The following GRIK3 variants were observed in gnomAD, a reference collection of about 807,000 sequenced individuals.
GRIK3 encodes glutamate ionotropic receptor kainate type subunit 3, also known as glutamate receptor ionotropic, kainate 3.
GRIK3 carries 29 observed loss-of-function variants against 102.5 expected under a neutral mutation model. The observed-to-expected ratio is 0.28, with a 90% CI of 0.21 to 0.39. The LOEUF (loss-of-function observed/expected upper bound fraction) is 0.39, where lower values mean the gene tolerates loss of function less well. Ranked by LOEUF, GRIK3 falls within the 10% of genes least tolerant of loss-of-function variation. The pLI is 1.00. For missense variants in GRIK3, 908 were observed against 1,252.4 expected, an observed-to-expected ratio of 0.73 and a Z score of 4.15; for synonymous variants, 511 against 504.9, an observed-to-expected ratio of 1.01 and a Z score of -0.16.
intron 1 of GRIK3, among the ~76,000 whole-genome samples, chr1:36,911,948 C>G (rs1570794716): frequency 6.6e-6 from 1 of 152,256 alleles, no homozygotes; most frequent in East Asian, 1.9e-4. Context: ...TCCACAGCCC[C>G]CTCTTCACGC....
intron 7 of GRIK3, among the ~76,000 whole-genome samples, chr1:36,857,671 C>CT (rs1257330260): frequency 1.2e-4 from 18 of 152,344 alleles, no homozygotes; most frequent in Admixed American, 5.2e-4. Flanking sequence ...AAGCCTGTAT[C>CT]TTATCCACAT....
intron 1 of GRIK3, among the ~76,000 whole-genome samples, chr1:36,930,999 A>G (rs973481962): frequency 2.0e-5 from 3 of 152,224 alleles, no homozygotes; most frequent in Admixed American, 2.0e-4. Context: ...GGTGCACAGC[A>G]TAGTCTCAGG....
At chr1:36,864,684 G>T (rs976932119) in intron 5 of GRIK3, among the ~76,000 whole-genome samples, 4 of 152,190 alleles carry the variant, frequency 2.6e-5, no homozygotes, top group African/African-American at 9.7e-5. Flanking sequence ...GGGCAGGTTG[G>T]GGTGGTAGTG....
chr1:36,865,566 G>A (rs780153248), intron 5 of GRIK3, among the ~76,000 whole-genome samples: 5 of 152,210 alleles, frequency 3.3e-5, no homozygotes, highest in Non-Finnish European at 5.9e-5. Flanking sequence ...TGCTCCAACC[G>A]ATGGGGTTCT....
chr1:36,869,191 C>A (rs1320820888), intron 5 of GRIK3, among the ~76,000 whole-genome samples: 1 of 152,170 alleles, frequency 6.6e-6, no homozygotes, highest in Non-Finnish European at 1.5e-5. Flanking sequence ...AGAGTTTGGA[C>A]AGGACCCATC....
Position 36,841,740 on chromosome 1 carries a change from T to C in GRIK3, c.1526A>G (p.Asp509Gly). The C allele has an allele frequency of 6.2e-7, 1 of 1,613,610 alleles. No individual in the cohort carries two copies. ...QWNGMVKELI[D>G]HKADLAVAPL... is the part of the protein sequence containing the mutation. ...CATGCTCCCATCCATGCTTACGTGG[T>C]CGATGAGCTCCTTGACCATGCCGTT... The change falls in exon 10 of 16, where the codon GAC becomes GGC. Residue 509 changes from aspartate (D) to glycine (G), a missense_variant. Around this residue, in one of 3 missense-constraint regions of GRIK3, gnomAD observed 585 missense variants for 824.9 expected, o/e 0.71. Transcript: ENST00000373091.
intron 1 of GRIK3, among the ~76,000 whole-genome samples, chr1:36,946,841 C>T (rs980746662): frequency 5.3e-5 from 8 of 152,170 alleles, no homozygotes; most frequent in South Asian, 2.1e-4. Flanking sequence ...ACTACCCCGA[C>T]ACTGTCTCCA....
chr1:36,975,534 T>A (rs552134206), intron 1 of GRIK3, among the ~76,000 whole-genome samples: 1 of 152,172 alleles, frequency 6.6e-6, no homozygotes, highest in South Asian at 2.1e-4. Context: ...GACCTCGTGA[T>A]CTCCCGCCTT....
chr1:36,996,402 G>A (rs1442146276), intron 1 of GRIK3, among the ~76,000 whole-genome samples: 3 of 152,186 alleles, frequency 2.0e-5, no homozygotes, highest in African/African-American at 4.8e-5. Flanking sequence ...CTGAGCAATG[G>A]ACAGACCTTC....
At position 36,880,131 on chromosome 1, in the gene GRIK3, G is replaced by A. The variant is rs566535276; in HGVS notation, c.550+503C>T. 6.6e-6 allele frequency among the ~76,000 whole-genome samples: 1 copy of A among 152,284 alleles called. No individual in the cohort carries two copies. Among genetic ancestry groups the A allele is most frequent in the African/African-American group, 2.4e-5 (1 of 41,562 alleles). ...AGATTTACATTTTATAGGAAACTGA[G>A]GCACAAAGAGGCTACTCAGCCAGCA... On this transcript the variant is annotated intron_variant, in intron 3 of 15. Transcript: ENST00000373091. This position sits in a 1 kb window ranked among gnomAD's most constrained non-coding sequence, Gnocchi z 5.4.
intron 1 of GRIK3, among the ~76,000 whole-genome samples, chr1:36,963,128 G>T (rs1306980410): frequency 2.0e-5 from 3 of 152,146 alleles, no homozygotes; most frequent in African/African-American, 7.2e-5. Context: ...GAGCCCAGGG[G>T]AGGGGTCGGC....
chr1:36,954,991 C>T (rs1641888865), intron 1 of GRIK3, among the ~76,000 whole-genome samples: 1 of 152,212 alleles, frequency 6.6e-6, no homozygotes, highest in Non-Finnish European at 1.5e-5. Context: ...CCTTTGAGAA[C>T]AGGCAGGAAG....
intron 15 of GRIK3, 111 bp from the exon 16 acceptor site, chr1:36,802,156 G>A (rs918877564): frequency 6.9e-6 from 5 of 721,238 alleles, no homozygotes; most frequent in South Asian, 2.0e-5. Context: ...AAGGTTACCC[G>A]TCTTTCTCAC....
At chr1:36,917,041 G>A (rs1641409378) in intron 1 of GRIK3, among the ~76,000 whole-genome samples, 1 of 152,204 alleles carries the variant, frequency 6.6e-6, no homozygotes, top group African/African-American at 2.4e-5. Flanking sequence ...TAAAGCCTCA[G>A]GGGTGGAGCT....
At chr1:36,957,663 G>A (rs1406364576) in intron 1 of GRIK3, among the ~76,000 whole-genome samples, 1 of 140,272 alleles carries the variant, frequency 7.1e-6, no homozygotes, top group Non-Finnish European at 1.5e-5. Flanking sequence ...TGTGATCTGT[G>A]AGTCTGTGCC....
chr1:36,867,685 C>T (rs113888416), intron 5 of GRIK3, among the ~76,000 whole-genome samples: 34 of 152,118 alleles, frequency 2.2e-4, no homozygotes, highest in African/African-American at 8.2e-4. Context: ...AGCCTTGGGA[C>T]ATTGGGAGGT....
chr1:36,853,644 T>C lies in GRIK3; in HGVS notation c.1183A>G (p.Ile395Val), dbSNP rs1358446978. 6.2e-7 allele frequency: 1 copy of C among 1,613,540 alleles called. No homozygotes were observed. ...GLRTDFDLDI[I>V]SLKEDGLEKV... The stretch of plus-strand genomic sequence containing the variant: ...TCCAGGCCATCCTCTTTCAGGCTGA[T>C]GATGTCCAGATCAAAATCCGTCCGC... The change falls in exon 8 of 16, where the codon ATC (isoleucine) becomes GTC (valine). Residue 395 changes from isoleucine (I) to valine (V), a missense_variant. Physicochemically the swap from Ile to Val is conservative, Grantham distance 29. Transcript: ENST00000373091.
chr1:36,861,676 T>A (rs912072242), intron 5 of GRIK3, among the ~76,000 whole-genome samples: 2 of 152,184 alleles, frequency 1.3e-5, no homozygotes, highest in Admixed American at 6.5e-5. Flanking sequence ...TCCTCCTGCA[T>A]CCCCAAAGTG....
At position 36,817,053 on chromosome 1, in the gene GRIK3, G is replaced by C; in HGVS notation, c.2091+7C>G. On this transcript the variant is annotated splice_region_variant and intron_variant, in intron 13 of 15. Transcript: ENST00000373091. ...ACGGTGCTGCAATAGGAGGGAGAGG[G>C]CCTCACCTTGAAGAAGGTCATGGTG... The C allele has an allele frequency of 6.3e-6, 10 of 1,597,804 alleles. No individual in the cohort carries two copies. The highest frequency in any genetic ancestry group is 8.6e-6 in the Non-Finnish European group (10 of 1,165,244).
Sources: allele counts gnomAD v4.1 joint callset (sites outside exome capture counted in the v4.1 genomes callset), GRCh38; gene constraint gnomAD v4.1.1; regional missense constraint gnomAD v4.1.1; non-coding constraint Gnocchi (gnomAD v3.1); transcripts MANE v1.5; gene names NCBI Gene and HGNC (gene_info 2026-07-23, HGNC 2026-07-21).